Variants in STK26 observed in about 807,000 individuals in gnomAD.
STK26 encodes serine/threonine-protein kinase 26.
A neutral mutation model predicts 34.7 loss-of-function variants in STK26; 14 were observed. The observed-to-expected ratio is 0.40, with a 90% CI of 0.27 to 0.63. The LOEUF (loss-of-function observed/expected upper bound fraction) is 0.63, where lower values mean the gene tolerates loss of function less well. Among genes scored for constraint, STK26 ranks in the 30% least tolerant of loss-of-function variants. The pLI is 0.38. For synonymous variants in STK26, 100 were observed against 109.8 expected, an observed-to-expected ratio of 0.91 and a Z score of 0.56; for missense variants, 226 against 309.1, an observed-to-expected ratio of 0.73 and a Z score of 2.02.
rs760371154 is a variant in STK26, at chrX:132,070,075, G to C, written c.783+412G>C. On this transcript the variant is annotated intron_variant, in intron 7 of 11. Transcript: ENST00000394334. ...TTTTTTTGAGATGGAGCCTTGCTCTGTTGCCCAGGTTGGAGTGCAGTGGCA... is the reference window on the plus strand; with the variant it reads ...TTTTTTTGAGATGGAGCCTTGCTCTCTTGCCCAGGTTGGAGTGCAGTGGCA... 6.4e-5 allele frequency among the ~76,000 whole-genome samples: 7 copies of C among 108,826 alleles called. No individual in the cohort carries two copies. The East Asian group carries it at 2.0e-3, about 31-fold the overall frequency. 94.5% of individuals were successfully genotyped at this position (108,826 alleles called of 115,157 possible).
intron 3 of STK26, among the ~76,000 whole-genome samples, chrX:132,060,855 G>A (rs1390752662): frequency 9.1e-6 from 1 of 110,365 alleles, no homozygotes; most frequent in African/African-American, 3.3e-5. Flanking sequence ...GGACTCAAGC[G>A]ATCCTCCCAC....
chrX:132,070,474 T>C (rs1175162886), intron 7 of STK26, among the ~76,000 whole-genome samples: 1 of 112,359 alleles, frequency 8.9e-6, no homozygotes, highest in African/African-American at 3.2e-5. Context: ...CCTTGTGACT[T>C]TTTGAGACGA....
intron 8 of STK26, among the ~76,000 whole-genome samples, chrX:132,071,503 G>A (rs1927414993): frequency 9.0e-6 from 1 of 111,630 alleles, no homozygotes; most frequent in South Asian, 3.7e-4. Flanking sequence ...AATTAAAGGT[G>A]TTATATTAGT....
At position 132,071,170 on chromosome X, in the gene STK26, G is replaced by A. The variant is rs765631705; in HGVS notation, c.885G>A (p.Lys295=). ...TGATAGATCGTTTTAAGAGATGGAA[G>A]GCAGAAGGACACAGTGATGATGAAT... ...TELIDRFKRW[K]AEGHSDDESD... Residue 295 remains lysine, a synonymous_variant, in exon 8 of 12, where the codon AAG becomes AAA. Coordinates refer to ENST00000394334, the MANE Select transcript of STK26 (RefSeq NM_016542.4). 6.6e-6 allele frequency: 8 copies of A among 1,210,709 alleles called. No homozygotes were observed. In the South Asian group the frequency reaches 1.1e-4, roughly 16 times the overall value.
At chrX:132,031,012 C>T (rs944607061) in intron 2 of STK26, among the ~76,000 whole-genome samples, 4 of 111,105 alleles carry the variant, frequency 3.6e-5, no homozygotes, top group Non-Finnish European at 5.7e-5. Flanking sequence ...TCACAGTTTA[C>T]TGCAGCCTCA....
intron 2 of STK26, among the ~76,000 whole-genome samples, chrX:132,053,103 T>G (rs1421594846): frequency 8.9e-6 from 1 of 111,954 alleles, no homozygotes; most frequent in East Asian, 2.8e-4. Flanking sequence ...TAACCAAATA[T>G]GGGCATTAAA....
At chrX:132,043,765 G>T (rs1186954036) in intron 2 of STK26, among the ~76,000 whole-genome samples, 2 of 111,065 alleles carry the variant, frequency 1.8e-5, no homozygotes, top group Admixed American at 1.9e-4. Context: ...TGTGGTTCTG[G>T]TTAATAGTGA....
chrX:132,048,819 A>G (rs1160177643), intron 2 of STK26, among the ~76,000 whole-genome samples: 1 of 111,672 alleles, frequency 9.0e-6, no homozygotes, highest in African/African-American at 3.3e-5. Flanking sequence ...TGACCTATAT[A>G]CATTTCCTTC....
At chrX:132,026,800 A>G (rs1935111111) in intron 2 of STK26, among the ~76,000 whole-genome samples, 1 of 112,634 alleles carries the variant, frequency 8.9e-6, no homozygotes, top group African/African-American at 3.2e-5. Context: ...GAACTTTAAA[A>G]TTAGCCTTCA....
At chrX:132,026,254 A>C (rs889796225) in intron 2 of STK26, among the ~76,000 whole-genome samples, 1 of 112,270 alleles carries the variant, frequency 8.9e-6, no homozygotes, top group African/African-American at 3.2e-5. Context: ...ATAGAAAAGA[A>C]ACTTGGAGTG....
intron 4 of STK26, among the ~76,000 whole-genome samples, chrX:132,064,924 A>C (rs964451741): frequency 8.9e-6 from 1 of 111,940 alleles, no homozygotes; most frequent in African/African-American, 3.2e-5. Context: ...CAAAGCTTCA[A>C]ATAATTTTAT....
In STK26 at chrX:132,054,512, G is replaced by A. The variant is rs143910318; in HGVS notation, c.43-119G>A. 3.6e-3 allele frequency: 2,116 copies of A among 586,468 alleles called. 1 individual carries two copies. Among genetic ancestry groups the A allele is most frequent in the Middle Eastern group, 0.011 (31 of 2,845 alleles). 48.3% of individuals were successfully genotyped at this position (586,468 alleles called of 1,213,427 possible). On this transcript the variant is annotated intron_variant, in intron 2 of 11. Transcript: ENST00000394334. The stretch of plus-strand genomic sequence containing the variant: ...ACAAAGCACATGTGGGGAGTCAGAG[G>A]AGTTTGTATGCTTTTACAAAAATGT...
At chrX:132,024,994 T>C (rs1935067882) in intron 2 of STK26, among the ~76,000 whole-genome samples, 1 of 110,604 alleles carries the variant, frequency 9.0e-6, no homozygotes, top group Admixed American at 9.6e-5. Flanking sequence ...ATTAATCCAC[T>C]CAAGCCTTGC....
intron 3 of STK26, among the ~76,000 whole-genome samples, chrX:132,062,254 G>A (rs772197808): frequency 2.7e-5 from 3 of 112,169 alleles, no homozygotes; most frequent in Non-Finnish European, 5.6e-5. Flanking sequence ...CAAAAATTCA[G>A]AGAATACCAC....
chrX:132,045,363 G>T (rs1388320519), intron 2 of STK26, among the ~76,000 whole-genome samples: 2 of 111,854 alleles, frequency 1.8e-5, no homozygotes, highest in East Asian at 5.6e-4. Context: ...CAAAACTAGG[G>T]TTGGTGATTG....
chrX:132,048,865 T>C (rs950911647), intron 2 of STK26, among the ~76,000 whole-genome samples: 1 of 112,383 alleles, frequency 8.9e-6, no homozygotes, highest in Non-Finnish European at 1.9e-5. Flanking sequence ...GAGCAGCCAA[T>C]TGTATATGGA....
chrX:132,053,581 A>T (rs1239241303), intron 2 of STK26, among the ~76,000 whole-genome samples: 1 of 112,169 alleles, frequency 8.9e-6, no homozygotes, highest in Admixed American at 9.4e-5. Flanking sequence ...GAAACTAAGT[A>T]AAACTGTAGT....
intron 2 of STK26, among the ~76,000 whole-genome samples, chrX:132,042,447 T>A (rs957045307): frequency 9.0e-6 from 1 of 111,109 alleles, no homozygotes; most frequent in Non-Finnish European, 1.9e-5. Flanking sequence ...TGGTGTACAG[T>A]ATGGAGCTTT....
At chrX:132,032,645 A>G (rs1357137045) in intron 2 of STK26, among the ~76,000 whole-genome samples, 1 of 111,817 alleles carries the variant, frequency 8.9e-6, no homozygotes, top group Non-Finnish European at 1.9e-5. Context: ...ACTGAAATGC[A>G]TTGAGTTCAA....
Sources: gnomAD v4.1 joint callset for allele counts (sites outside exome capture counted in the v4.1 genomes callset) on GRCh38, gnomAD v4.1.1 for gene constraint, MANE v1.5 for transcripts, NCBI Gene and HGNC (gene_info 2026-07-23, HGNC 2026-07-21) for gene names.